Variants in MAP2K4 observed in about 807,000 individuals in gnomAD.
The protein encoded by MAP2K4 is mitogen-activated protein kinase kinase 4.
MAP2K4 carries 4 observed loss-of-function variants against 48.5 expected under a neutral mutation model. That is an observed-to-expected ratio of 0.08 (90% confidence interval 0.04 to 0.19). The LOEUF (loss-of-function observed/expected upper bound fraction) is 0.19. MAP2K4 is among the 10% of genes least tolerant of loss of function. MAP2K4 has a pLI of 1.00. For synonymous variants in MAP2K4, 166 were observed against 173.1 expected, an observed-to-expected ratio of 0.96 and a Z score of 0.32; for missense variants, 258 against 493.3, an observed-to-expected ratio of 0.52 and a Z score of 4.52.
At chr17:12,066,669 T>C (rs540421121) in intron 2 of MAP2K4, among the ~76,000 whole-genome samples, 35 of 152,186 alleles carry the variant, frequency 2.3e-4, no homozygotes, top group African/African-American at 8.4e-4. Context: ...AGCTGGGTTT[T>C]AGGCATGCAC....
chr17:12,041,267 G>A (rs890029559), intron 1 of MAP2K4, among the ~76,000 whole-genome samples: 1 of 152,190 alleles, frequency 6.6e-6, no homozygotes, highest in African/African-American at 2.4e-5. Context: ...CATTTGGATG[G>A]GAAGAGGAGT....
intron 1 of MAP2K4, among the ~76,000 whole-genome samples, chr17:12,042,133 A>G (rs960216362): frequency 3.1e-5 from 4 of 130,780 alleles, no homozygotes; most frequent in Admixed American, 2.9e-4. Flanking sequence ...GTGAACCGAG[A>G]TCGTGCCTGG....
At chr17:12,109,663 C>T (rs1394565656) in intron 5 of MAP2K4, among the ~76,000 whole-genome samples, 3 of 152,112 alleles carry the variant, frequency 2.0e-5, no homozygotes, top group Admixed American at 2.0e-4. Context: ...TCAAACATCA[C>T]CTTGAAGGCT....
intron 9 of MAP2K4, among the ~76,000 whole-genome samples, chr17:12,132,489 C>T (rs1025479801): frequency 6.6e-6 from 1 of 151,640 alleles, no homozygotes; most frequent in Admixed American, 6.6e-5. Flanking sequence ...GGTTCTATTT[C>T]TATATGAAAG....
At chr17:12,068,859 A>G (rs541402306) in intron 2 of MAP2K4, among the ~76,000 whole-genome samples, 18 of 152,214 alleles carry the variant, frequency 1.2e-4, no homozygotes, top group Non-Finnish European at 2.5e-4. Flanking sequence ...GTCTGGTGCC[A>G]GAAGTGAAGT....
At position 12,143,138 on chromosome 17, in the gene MAP2K4, C is replaced by A. The variant is rs1049365757; in HGVS notation, c.*1878C>A. ...TCTGAAAGGAGACATTGCTCTATGTCTGCCTTCGACCACAGCAAGCCATCA... is the reference window on the plus strand; with the variant it reads ...TCTGAAAGGAGACATTGCTCTATGTATGCCTTCGACCACAGCAAGCCATCA... On this transcript the variant is annotated 3_prime_UTR_variant, in exon 11 of 11. Coordinates refer to ENST00000353533, the MANE Select transcript of MAP2K4 (RefSeq NM_003010.4). The A allele has an allele frequency of 1.3e-5, 3 of 232,972 alleles. No homozygotes were observed. Among genetic ancestry groups the A allele is most frequent in the South Asian group, 3.6e-4 (2 of 5,528 alleles). The allele number at this position is 232,972 out of a possible 1,614,324, so 14.4% of individuals were successfully genotyped here.
At chr17:12,094,188 CT>C (rs1971654665) in intron 3 of MAP2K4, among the ~76,000 whole-genome samples, 2 of 152,142 alleles carry the variant, frequency 1.3e-5, no homozygotes, top group Admixed American at 6.5e-5. Context: ...AAATCTGTGT[CT>C]GTAACATAGA....
chr17:12,059,695 A>G (rs567486773), intron 2 of MAP2K4, among the ~76,000 whole-genome samples: 1 of 152,122 alleles, frequency 6.6e-6, no homozygotes, highest in African/African-American at 2.4e-5. Flanking sequence ...ATTGGAACAG[A>G]CAGAGACTCA....
At chr17:12,129,963 C>G (rs903057645) in intron 9 of MAP2K4, among the ~76,000 whole-genome samples, 1 of 152,110 alleles carries the variant, frequency 6.6e-6, no homozygotes, top group African/African-American at 2.4e-5. Context: ...TAAATAAAAT[C>G]TTTTTGTGTT....
intron 6 of MAP2K4, 34 bp downstream of exon 6, chr17:12,110,460 T>C: frequency 6.8e-7 from 1 of 1,480,652 alleles, no homozygotes; most frequent in Non-Finnish European, 9.4e-7. Context: ...GTAATAGAAA[T>C]TAACTTTTTT....
chr17:12,080,604 G>A (rs1287840145), intron 2 of MAP2K4, among the ~76,000 whole-genome samples: 4 of 151,902 alleles, frequency 2.6e-5, no homozygotes, highest in South Asian at 2.1e-4. Context: ...TTGCTTTATC[G>A]AACGAGGGCT....
rs71142262 is a variant in MAP2K4, at chr17:12,042,167, CAA to C, written c.116-12700_116-12699del. On this transcript the variant is annotated intron_variant, in intron 1 of 10. Coordinates refer to ENST00000353533, the MANE Select transcript of MAP2K4 (RefSeq NM_003010.4). ...GGGCAACAAGAACGAAACTTTGTCT[CAA>C]AAAAAAAAAAAAAAAAAAAAAGGTA... 3.0e-3 allele frequency among the ~76,000 whole-genome samples: 167 copies of C among 55,398 alleles called. 1 individual carries two copies. Among genetic ancestry groups the C allele is most frequent in the African/African-American group, 0.01 (152 of 14,568 alleles). 36.3% of individuals were successfully genotyped at this position (55,398 alleles called of 152,430 possible).
chr17:12,028,691 G>C (rs1969336950), intron 1 of MAP2K4, among the ~76,000 whole-genome samples: 1 of 152,068 alleles, frequency 6.6e-6, no homozygotes, highest in Admixed American at 6.5e-5. Flanking sequence ...CATTAGTGTG[G>C]GTTCATATTG....
intron 1 of MAP2K4, among the ~76,000 whole-genome samples, 154 bp downstream of exon 1, chr17:12,021,155 C>T (rs1969025193): frequency 1.3e-5 from 2 of 151,620 alleles, no homozygotes; most frequent in African/African-American, 2.4e-5. Context: ...CGCCCCGCTC[C>T]CGGCCGCCTC....
chr17:12,104,537 A>G (rs1972042913), intron 4 of MAP2K4, among the ~76,000 whole-genome samples: 1 of 151,954 alleles, frequency 6.6e-6, no homozygotes, highest in Non-Finnish European at 1.5e-5. Flanking sequence ...GAGATACAGA[A>G]TTTTTTACAT....
intron 9 of MAP2K4, among the ~76,000 whole-genome samples, chr17:12,136,113 GC>G (rs1973200230): frequency 6.6e-6 from 1 of 152,160 alleles, no homozygotes; most frequent in African/African-American, 2.4e-5. Flanking sequence ...CAGTTGATGG[GC>G]AGAAGCAAAA....
chr17:12,115,689 A>G (rs535598331), intron 7 of MAP2K4: 23 of 758,806 alleles, frequency 3.0e-5, no homozygotes, highest in African/African-American at 2.7e-4. Flanking sequence ...AATGTAGTAG[A>G]ACAAACTTCA....
chr17:12,121,511 C>G (rs1368239624), intron 7 of MAP2K4, among the ~76,000 whole-genome samples: 1 of 144,854 alleles, frequency 6.9e-6, no homozygotes, highest in Non-Finnish European at 1.5e-5. Context: ...GGAGGCGGAG[C>G]TTGCAGTGAG....
chr17:12,050,026 C>T (rs1453394078), intron 1 of MAP2K4, among the ~76,000 whole-genome samples: 9 of 152,180 alleles, frequency 5.9e-5, no homozygotes, highest in Non-Finnish European at 1.3e-4. Context: ...CAAGGGCTAT[C>T]AAATATGGTG....
Sources: allele counts gnomAD v4.1 joint callset (sites outside exome capture counted in the v4.1 genomes callset), GRCh38; gene constraint gnomAD v4.1.1; transcripts MANE v1.5; gene names NCBI Gene and HGNC (gene_info 2026-07-23, HGNC 2026-07-21).